NRG1: variants seen among roughly 807,000 people sequenced by gnomAD.
NRG1 encodes the protein pro-neuregulin-1, membrane-bound isoform.
NRG1 carries 18 observed loss-of-function variants against 63.8 expected under a neutral mutation model. The observed-to-expected ratio is 0.28, with a 90% CI of 0.19 to 0.42. The LOEUF (loss-of-function observed/expected upper bound fraction) is 0.42. NRG1 is among the 10% of genes least tolerant of loss of function. The pLI is 1.00. For synonymous variants in NRG1, 302 were observed against 301.3 expected (o/e 1.00, Z -0.02); for missense variants, 762 against 814.7 (o/e 0.94, Z 0.79).
intron 1 of NRG1, among the ~76,000 whole-genome samples, chr8:32,022,061 T>G (rs1816539377): frequency 6.6e-6 from 1 of 152,102 alleles, no homozygotes. Context: ...ATTTTGTTGT[T>G]GTTGTTGTTG....
chr8:32,459,536 C>T (rs746607286), intron 1 of NRG1, among the ~76,000 whole-genome samples: 1 of 151,204 alleles, frequency 6.6e-6, no homozygotes, highest in Non-Finnish European at 1.5e-5. Flanking sequence ...CTCCAGGAGG[C>T]TGAGGTGGGA....
intron 1 of NRG1, among the ~76,000 whole-genome samples, chr8:31,850,642 G>C (rs1281512528): frequency 6.6e-6 from 1 of 152,128 alleles, no homozygotes; most frequent in African/African-American, 2.4e-5. Flanking sequence ...TTCTTAGCCA[G>C]AGCTGTATAG....
intron 1 of NRG1, among the ~76,000 whole-genome samples, chr8:32,202,840 G>A (rs1371628952): frequency 6.6e-6 from 1 of 150,812 alleles, no homozygotes; most frequent in East Asian, 2.0e-4. Flanking sequence ...TGGATATTGG[G>A]GTTTATATGG....
At chr8:32,294,609 C>T (rs776084412) in intron 1 of NRG1, among the ~76,000 whole-genome samples, 1 of 152,166 alleles carries the variant, frequency 6.6e-6, no homozygotes, top group Non-Finnish European at 1.5e-5. Flanking sequence ...CATCATTATC[C>T]ACTCATAATT....
intron 1 of NRG1, among the ~76,000 whole-genome samples, chr8:32,159,553 A>G (rs1050743505): frequency 1.1e-4 from 17 of 151,906 alleles, no homozygotes; most frequent in South Asian, 8.3e-4. Context: ...AAAAAAAAAA[A>G]AAAAAGAAAA....
At chr8:32,014,212 G>A (rs915543436) in intron 1 of NRG1, among the ~76,000 whole-genome samples, 3 of 152,002 alleles carry the variant, frequency 2.0e-5, no homozygotes. Flanking sequence ...ATTTGTTTGT[G>A]TCCTCTTTTA....
chr8:31,823,431 G>C (rs570050123), intron 1 of NRG1, among the ~76,000 whole-genome samples: 1 of 152,020 alleles, frequency 6.6e-6, no homozygotes, highest in Non-Finnish European at 1.5e-5. Flanking sequence ...ATTCAGGCTG[G>C]CTGGAAGCCT....
chr8:32,194,244 C>G (rs987920610), intron 1 of NRG1, among the ~76,000 whole-genome samples: 2 of 152,176 alleles, frequency 1.3e-5, no homozygotes, highest in African/African-American at 4.8e-5. Context: ...ACCCATCCAC[C>G]TAGGTGTCCT....
chr8:31,939,966 A>G (rs1334496060), intron 1 of NRG1, among the ~76,000 whole-genome samples: 7 of 152,180 alleles, frequency 4.6e-5, no homozygotes, highest in Admixed American at 4.6e-4. Context: ...ACACAATAGT[A>G]GTGGGGGACT....
At chr8:32,487,319 C>T (rs971905677) in intron 1 of NRG1, among the ~76,000 whole-genome samples, 1 of 152,088 alleles carries the variant, frequency 6.6e-6, no homozygotes, top group Non-Finnish European at 1.5e-5. Context: ...AATTTCTACA[C>T]CATGAGGGTA....
chr8:31,855,054 G>A (rs1270626110), intron 1 of NRG1, among the ~76,000 whole-genome samples: 2 of 152,198 alleles, frequency 1.3e-5, no homozygotes, highest in East Asian at 3.9e-4. Context: ...TTTTGGAATA[G>A]GTGTGGTGTG....
intron 9 of NRG1, among the ~76,000 whole-genome samples, chr8:32,757,576 C>A (rs2129055483): frequency 6.6e-6 from 1 of 152,292 alleles, no homozygotes; most frequent in African/African-American, 2.4e-5. Context: ...GTTGCCTTTT[C>A]ACCCTCTAAC....
intron 2 of NRG1, among the ~76,000 whole-genome samples, chr8:32,604,624 C>T (rs889655923): frequency 6.6e-6 from 1 of 152,084 alleles, no homozygotes; most frequent in Non-Finnish European, 1.5e-5. Flanking sequence ...TGACTCTTCA[C>T]CAGCATGATC....
intron 1 of NRG1, among the ~76,000 whole-genome samples, chr8:31,858,664 C>T (rs1175871091): frequency 6.6e-6 from 1 of 152,140 alleles, no homozygotes; most frequent in African/African-American, 2.4e-5. Flanking sequence ...TGATCCACTA[C>T]AGCTTTCTGA....
At chr8:31,916,374 TC>T (rs879734260) in intron 1 of NRG1, among the ~76,000 whole-genome samples, 36 of 152,096 alleles carry the variant, frequency 2.4e-4, no homozygotes, top group Non-Finnish European at 4.9e-4. Context: ...CCCACAACAG[TC>T]CCCAGAGTGT....
intron 1 of NRG1, among the ~76,000 whole-genome samples, chr8:32,049,437 T>C (rs1270662732): frequency 6.6e-6 from 1 of 152,154 alleles, no homozygotes; most frequent in East Asian, 1.9e-4. Flanking sequence ...TGTTGTTTTA[T>C]TTATTTTTCA....
chr8:32,669,973 G>A (rs1173386086), intron 5 of NRG1, among the ~76,000 whole-genome samples: 1 of 152,164 alleles, frequency 6.6e-6, no homozygotes, highest in Non-Finnish European at 1.5e-5. Context: ...TTACCAAACT[G>A]ATGTCTAGAT....
chr8:31,936,624 A>C (rs1231274378), intron 1 of NRG1, among the ~76,000 whole-genome samples: 1 of 152,220 alleles, frequency 6.6e-6, no homozygotes, highest in African/African-American at 2.4e-5. Flanking sequence ...CACTCACTTT[A>C]TTTTAATGCC....
At chr8:31,979,396 T>C (rs1808713407) in intron 1 of NRG1, among the ~76,000 whole-genome samples, 1 of 152,144 alleles carries the variant, frequency 6.6e-6, no homozygotes, top group South Asian at 2.1e-4. Flanking sequence ...CATTTCAACT[T>C]ATATTTACAC....
Sources: gnomAD v4.1 joint callset for allele counts (sites outside exome capture counted in the v4.1 genomes callset) on GRCh38, gnomAD v4.1.1 for gene constraint, MANE v1.5 for transcripts, NCBI Gene and HGNC (gene_info 2026-07-23, HGNC 2026-07-21) for gene names.